Variants in CRACD observed in about 807,000 individuals in gnomAD.
CRACD encodes capping protein-inhibiting regulator of actin dynamics.
In CRACD, 56 loss-of-function variants were observed where a neutral mutation model predicts 106.8. The observed-to-expected ratio is 0.52, with a 90% CI of 0.42 to 0.66. CRACD has a LOEUF of 0.66. CRACD is among the 30% of genes least tolerant of loss of function. The pLI is 0.00. For synonymous variants in CRACD, 754 were observed against 670.8 expected (o/e 1.12, Z -1.92); for missense variants, 1,730 against 1,623.2 (o/e 1.07, Z -1.13).
chr4:56,095,267 G>A (rs1320497599), intron 1 of CRACD, among the ~76,000 whole-genome samples: 1 of 152,214 alleles, frequency 6.6e-6, no homozygotes, highest in Non-Finnish European at 1.5e-5. Context: ...TGGAAGACTT[G>A]CTTGAGCCCG....
chr4:56,125,625 C>T (rs1024952198), intron 1 of CRACD, among the ~76,000 whole-genome samples: 1 of 151,946 alleles, frequency 6.6e-6, no homozygotes, highest in African/African-American at 2.4e-5. Flanking sequence ...CTGTGTTGTC[C>T]AGGTTTGTCT....
At chr4:56,312,268 C>A (rs763580817) in intron 6 of CRACD, among the ~76,000 whole-genome samples, 4 of 152,160 alleles carry the variant, frequency 2.6e-5, no homozygotes, top group Non-Finnish European at 4.4e-5. Context: ...TCAAGCAATT[C>A]TCATGCATCA....
intron 2 of CRACD, among the ~76,000 whole-genome samples, chr4:56,229,785 G>A (rs1012910220): frequency 1.6e-4 from 25 of 152,064 alleles, no homozygotes; most frequent in Non-Finnish European, 1.8e-4. Flanking sequence ...ACTCAGCCAG[G>A]GATAAGGTGT....
chr4:56,261,786 A>G lies in CRACD; in HGVS notation c.-188-10535A>G, dbSNP rs920288726. 1.3e-4 allele frequency among the ~76,000 whole-genome samples: 20 copies of G among 152,320 alleles called. 1 individual carries two copies. The highest frequency in any genetic ancestry group is 1.3e-3 in the Admixed American group (20 of 15,304). On this transcript the variant is annotated intron_variant, in intron 2 of 10. Coordinates refer to ENST00000682029, the MANE Select transcript of CRACD (RefSeq NM_001393381.1). ...ATGGTTTTGAGAGGTGGGGGAGGAGAGGATAAGAAACAGCCAAAGAGTTGT... is the reference window on the plus strand; with the variant it reads ...ATGGTTTTGAGAGGTGGGGGAGGAGGGGATAAGAAACAGCCAAAGAGTTGT...
chr4:56,162,461 C>A (rs1393217109), intron 1 of CRACD, among the ~76,000 whole-genome samples: 2 of 152,164 alleles, frequency 1.3e-5, no homozygotes, highest in Non-Finnish European at 2.9e-5. Context: ...CCCACCTTGG[C>A]CTGCCAAAGC....
rs1475686165 is a variant in CRACD, at chr4:56,049,201, A to C, written c.-434A>C. 1.3e-5 allele frequency: 2 copies of C among 149,938 alleles called. No individual in the cohort carries two copies. The highest frequency in any genetic ancestry group is 3.0e-5 in the Non-Finnish European group (2 of 67,190). The allele number at this position is 149,938 out of a possible 1,614,324, so 9.3% of individuals were successfully genotyped here. ...GCTGCCGCGGCGGCTGCTGATGCGG[A>C]GGCTGCCGCGCGCAGTGCCGCCGAG... On this transcript the variant is annotated 5_prime_UTR_variant, in exon 1 of 11. Transcript: ENST00000682029.
chr4:56,326,334 GAGAA>G (rs566269934), intron 10 of CRACD, among the ~76,000 whole-genome samples: 3 of 152,316 alleles, frequency 2.0e-5, no homozygotes, highest in African/African-American at 7.2e-5. Context: ...GAACCAGAAA[GAGAA>G]AGAGTGAGAA....
chr4:56,237,101 T>G (rs1740020438), intron 2 of CRACD, among the ~76,000 whole-genome samples: 1 of 152,168 alleles, frequency 6.6e-6, no homozygotes, highest in East Asian at 1.9e-4. Context: ...TTATTTATTT[T>G]AACATTGCTT....
intron 1 of CRACD, among the ~76,000 whole-genome samples, chr4:56,125,232 G>A (rs1734618632): frequency 6.6e-6 from 1 of 151,940 alleles, no homozygotes; most frequent in East Asian, 1.9e-4. Context: ...TATGACCTGA[G>A]GATTGCAAAA....
chr4:56,307,832 G>A (rs1379036595), intron 5 of CRACD, 133 bp downstream of exon 5: 3 of 817,248 alleles, frequency 3.7e-6, no homozygotes, highest in Non-Finnish European at 5.8e-6. Context: ...GGGCTTGAGG[G>A]CACTTCCTGG....
intron 2 of CRACD, among the ~76,000 whole-genome samples, chr4:56,192,264 C>T (rs1394672098): frequency 6.6e-6 from 1 of 152,028 alleles, no homozygotes; most frequent in Non-Finnish European, 1.5e-5. Flanking sequence ...TGGTGGTGCA[C>T]ACCTGTAATC....
chr4:56,306,282 C>T (rs1202730506), intron 4 of CRACD, among the ~76,000 whole-genome samples: 1 of 151,918 alleles, frequency 6.6e-6, no homozygotes, highest in Admixed American at 6.6e-5. Context: ...TTGCTTGAGA[C>T]CAGGAGTTTG....
chr4:56,166,175 G>T (rs1205335300), intron 1 of CRACD, among the ~76,000 whole-genome samples: 1 of 152,014 alleles, frequency 6.6e-6, no homozygotes, highest in East Asian at 1.9e-4. Context: ...AATTAATATA[G>T]TTTGGAAGGC....
chr4:56,188,711 C>CAGAGAGAGAGAG lies in CRACD; in HGVS notation c.-189+9294_-189+9305dup, dbSNP rs142124735. On this transcript the variant is annotated intron_variant, in intron 2 of 10. Transcript: ENST00000682029. ...TCACACACACACACACACACACACA[C>CAGAGAGAGAGAG]AGAGAGAGAGAGAGAGAGAGAGAGG... is the stretch of plus-strand genomic sequence containing the variant. Among the ~76,000 whole-genome samples the CAGAGAGAGAGAG allele has an allele frequency of 4.7e-4, 53 of 113,156 alleles. 1 individual carries two copies. The highest frequency in any genetic ancestry group is 1.9e-3 in the African/African-American group (48 of 25,850). The allele number at this position is 113,156 out of a possible 152,430, so 74.2% of individuals were successfully genotyped here. A position where few individuals can be genotyped will look rare whatever the true frequency, so the allele number is the denominator to read the frequency against.
chr4:56,328,177 G>T lies in CRACD; in HGVS notation c.*373G>T, dbSNP rs1746585456. On this transcript the variant is annotated 3_prime_UTR_variant, in exon 11 of 11. Coordinates refer to ENST00000682029, the MANE Select transcript of CRACD (RefSeq NM_001393381.1). Reference sequence around the variant, plus strand: ...TGCCAACCTTTGGTAATGGTTTTTTGATTCTATGCACTAATTTTCTTTGTC... The same window carrying T: ...TGCCAACCTTTGGTAATGGTTTTTTTATTCTATGCACTAATTTTCTTTGTC... 3 of 395,194 alleles carry T rather than the reference G, an allele frequency of 7.6e-6. No homozygotes were observed. The highest frequency in any genetic ancestry group is 1.5e-5 in the Non-Finnish European group (3 of 201,638). 24.5% of individuals were successfully genotyped at this position (395,194 alleles called of 1,614,324 possible).
chr4:56,214,681 C>CTCTCTCTCTCTCTATATATATATATATA, intron 2 of CRACD, among the ~76,000 whole-genome samples: 20 of 80,988 alleles, frequency 2.5e-4, no homozygotes, highest in Non-Finnish European at 3.1e-4. Context: ...CTCTCTCTCT[C>CTCTCTCTCTCTCTATATATATATATATA]TATATATATA....
chr4:56,077,965 A>T (rs1732898328), intron 1 of CRACD, among the ~76,000 whole-genome samples: 1 of 152,210 alleles, frequency 6.6e-6, no homozygotes, highest in Admixed American at 6.5e-5. Context: ...GCCTGATGAA[A>T]AATGGGAAAG....
At chr4:56,259,409 C>T (rs1381188264) in intron 2 of CRACD, among the ~76,000 whole-genome samples, 4 of 151,918 alleles carry the variant, frequency 2.6e-5, no homozygotes, top group East Asian at 1.9e-4. Flanking sequence ...TCTAAGTAAG[C>T]GCATAGATAA....
chr4:56,115,913 A>G (rs1336704429), intron 1 of CRACD, among the ~76,000 whole-genome samples: 3 of 152,226 alleles, frequency 2.0e-5, no homozygotes, highest in Non-Finnish European at 2.9e-5. Context: ...TTTTTCAGTC[A>G]TTAGAATTCT....
Sources: gnomAD v4.1 joint callset for allele counts (sites outside exome capture counted in the v4.1 genomes callset) on GRCh38, gnomAD v4.1.1 for gene constraint, MANE v1.5 for transcripts, NCBI Gene and HGNC (gene_info 2026-07-23, HGNC 2026-07-21) for gene names.